Variants in IL19 observed in about 807,000 individuals in gnomAD.
The protein encoded by IL19 is interleukin-19.
Under a neutral mutation model 19.5 loss-of-function variants are expected in IL19, and 15 were observed. The ratio of observed to expected loss-of-function variants is 0.77; its 90% CI spans 0.52 to 1.19. IL19 has a LOEUF of 1.19. Among genes scored for constraint, IL19 ranks in the 50% most tolerant of loss-of-function variants. The pLI, the probability that IL19 is intolerant of heterozygous loss-of-function variation, is 0.00. For missense variants in IL19, 199 were observed against 213.1 expected, an observed-to-expected ratio of 0.93 and a Z score of 0.41; for synonymous variants, 78 against 78.3, an observed-to-expected ratio of 1.00 and a Z score of 0.02.
At position 206,797,526 on chromosome 1, in the gene IL19, T is replaced by C. The variant is rs929710161; in HGVS notation, c.-148-1335T>C. On this transcript the variant is annotated intron_variant, in intron 1 of 6. Transcript: ENST00000659997. ...CTGTTTTTCCTGGAAAACAAGAAAA[T>C]GTTTGGGAATTTGTATATTGGGAAT... Among the ~76,000 whole-genome samples the C allele has an allele frequency of 2.0e-5, 3 of 152,046 alleles. No individual in the cohort carries two copies. The South Asian group carries it at 6.2e-4, about 32-fold the overall frequency.
intron 1 of IL19, among the ~76,000 whole-genome samples, chr1:206,794,632 T>C (rs1276130113): frequency 6.6e-6 from 1 of 152,224 alleles, no homozygotes; most frequent in Non-Finnish European, 1.5e-5. Flanking sequence ...TTGCTTCTTT[T>C]GATTCTCATG....
Position 206,825,434 on chromosome 1 carries a change from T to G in IL19, c.-2-11227T>G, listed in dbSNP as rs59262814. Among the ~76,000 whole-genome samples the G allele has an allele frequency of 4.9e-3, 743 of 152,362 alleles. 5 individuals carry two copies. The highest frequency in any genetic ancestry group is 0.017 in the African/African-American group (710 of 41,584). On this transcript the variant is annotated intron_variant, in intron 2 of 6. Transcript: ENST00000659997. ...TAATAACTCTTCAATATCTATAAGATGTCAAGATCAAAATTTTTCCTTCTG... is the reference window on the plus strand; with the variant it reads ...TAATAACTCTTCAATATCTATAAGAGGTCAAGATCAAAATTTTTCCTTCTG...
chr1:206,816,316 A>G (rs945938024), intron 2 of IL19, among the ~76,000 whole-genome samples: 3 of 152,210 alleles, frequency 2.0e-5, no homozygotes, highest in Admixed American at 1.3e-4. Context: ...TTTTTAAAAA[A>G]TAATGTACTT....
chr1:206,771,219 A>T, intron 1 of IL19, 141 bp downstream of exon 1: 2 of 1,135,348 alleles, frequency 1.8e-6, no homozygotes, highest in Non-Finnish European at 2.7e-6. Flanking sequence ...TGGCTGCTGG[A>T]TGTGCTGAGT....
At chr1:206,806,538 T>A (rs1675850225) in intron 2 of IL19, among the ~76,000 whole-genome samples, 1 of 152,216 alleles carries the variant, frequency 6.6e-6, no homozygotes, top group African/African-American at 2.4e-5. Flanking sequence ...AGAAGTTGTG[T>A]GACCTGAGAA....
chr1:206,821,955 G>A (rs938236605), intron 2 of IL19, among the ~76,000 whole-genome samples: 5 of 152,180 alleles, frequency 3.3e-5, no homozygotes, highest in African/African-American at 1.2e-4. Context: ...TTCTTGCCCT[G>A]CCTTTCTGGG....
chr1:206,772,212 GA>G, intron 1 of IL19: 1 of 1,467,468 alleles, frequency 6.8e-7, no homozygotes, highest in South Asian at 1.1e-5. Context: ...AGTTCCAGGA[GA>G]ATGTCTAGTT....
intron 2 of IL19, among the ~76,000 whole-genome samples, chr1:206,836,204 T>C (rs560623789): frequency 7.9e-5 from 12 of 152,348 alleles, no homozygotes; most frequent in South Asian, 2.1e-4. Context: ...AGGGTGTTAC[T>C]TATTTCAGGG....
intron 1 of IL19, among the ~76,000 whole-genome samples, chr1:206,779,374 T>G (rs1279472893): frequency 1.3e-5 from 2 of 152,168 alleles, no homozygotes; most frequent in African/African-American, 4.8e-5. Flanking sequence ...CTCCCAGAGC[T>G]CAGGGCCTTT....
chr1:206,835,816 C>T (rs1434733403), intron 2 of IL19, among the ~76,000 whole-genome samples: 1 of 152,216 alleles, frequency 6.6e-6, no homozygotes. Flanking sequence ...TAAGCTGTAC[C>T]ATTATATTTT....
In IL19 at chr1:206,841,068, A is replaced by G. The variant is rs1411478004; in HGVS notation, c.428A>G (p.Asn143Ser). The change falls in exon 6 of 7, where the codon AAC (asparagine) becomes AGC (serine). Residue 143 changes from asparagine (N) to serine (S), a missense_variant. Asn to Ser is a conservative substitution (Grantham distance 46, BLOSUM62 1). Transcript: ENST00000659997. ...ATNATRVIHD[N>S]YDQLEVHAAA... is the part of the protein sequence containing the mutation. ...AATGCCACCAGAGTCATCCATGACAACTATGATCAGGTAAGATCTGGGAAG... is the reference window on the plus strand; with the variant it reads ...AATGCCACCAGAGTCATCCATGACAGCTATGATCAGGTAAGATCTGGGAAG... 2.5e-6 allele frequency: 4 copies of G among 1,613,704 alleles called. No individual in the cohort carries two copies. The Admixed American group carries it at 6.7e-5, about 27-fold the overall frequency.
intron 1 of IL19, among the ~76,000 whole-genome samples, chr1:206,789,734 C>A (rs1463001786): frequency 6.6e-6 from 1 of 152,132 alleles, no homozygotes; most frequent in East Asian, 1.9e-4. Context: ...TTCCCTCCTC[C>A]CACCCTCCAA....
chr1:206,794,971 C>T (rs183662710), intron 1 of IL19, among the ~76,000 whole-genome samples: 95 of 152,290 alleles, frequency 6.2e-4, no homozygotes, highest in African/African-American at 2.2e-3. Context: ...TGTGGGGTCC[C>T]AAAACTGCTT....
chr1:206,817,391 G>T (rs1475704774), intron 2 of IL19, among the ~76,000 whole-genome samples: 1 of 152,174 alleles, frequency 6.6e-6, no homozygotes, highest in Non-Finnish European at 1.5e-5. Flanking sequence ...TTTCTTGTGA[G>T]TCAACTTGCA....
intron 2 of IL19, among the ~76,000 whole-genome samples, chr1:206,799,281 A>T (rs1572553925): frequency 6.6e-6 from 1 of 152,158 alleles, no homozygotes; most frequent in South Asian, 2.1e-4. Context: ...CTTCCCCATC[A>T]GCTCCCATAC....
At chr1:206,801,505 C>G (rs1675708084) in intron 2 of IL19, among the ~76,000 whole-genome samples, 1 of 152,250 alleles carries the variant, frequency 6.6e-6, no homozygotes, top group Non-Finnish European at 1.5e-5. Flanking sequence ...GCCCAACTGC[C>G]TATCTCAGAC....
At chr1:206,823,582 T>G (rs1156288824) in intron 2 of IL19, among the ~76,000 whole-genome samples, 1 of 151,936 alleles carries the variant, frequency 6.6e-6, no homozygotes, top group Non-Finnish European at 1.5e-5. Context: ...GACACCAAGA[T>G]TATTCCTGGA....
At chr1:206,783,645 C>T (rs1281703499) in intron 1 of IL19, among the ~76,000 whole-genome samples, 1 of 152,202 alleles carries the variant, frequency 6.6e-6, no homozygotes, top group Non-Finnish European at 1.5e-5. Context: ...CTTTGCTCAA[C>T]CCCCAGCCCT....
At chr1:206,786,055 G>A (rs1287780358) in intron 1 of IL19, among the ~76,000 whole-genome samples, 2 of 152,146 alleles carry the variant, frequency 1.3e-5, no homozygotes, top group Non-Finnish European at 2.9e-5. Context: ...GACATCCTTA[G>A]AGGGTATCAT....
Sources: allele counts gnomAD v4.1 joint callset (sites outside exome capture counted in the v4.1 genomes callset), GRCh38; gene constraint gnomAD v4.1.1; transcripts MANE v1.5; gene names NCBI Gene and HGNC (gene_info 2026-07-23, HGNC 2026-07-21).